The following ENAH variants were observed in gnomAD, a reference collection of about 807,000 sequenced individuals.
The protein encoded by ENAH is ENAH actin regulator.
ENAH carries 23 observed loss-of-function variants against 78.7 expected under a neutral mutation model. That is an observed-to-expected ratio of 0.29 (90% CI 0.21 to 0.41). The LOEUF (loss-of-function observed/expected upper bound fraction) is 0.41, where lower values mean the gene tolerates loss of function less well. ENAH is among the 10% of genes least tolerant of loss of function. The pLI is 1.00. For missense variants in ENAH, 544 were observed against 691.0 expected, an observed-to-expected ratio of 0.79 and a Z score of 2.39; for synonymous variants, 226 against 241.0, an observed-to-expected ratio of 0.94 and a Z score of 0.58.
At chr1:225,630,920 C>T (rs1366275734) in intron 1 of ENAH, among the ~76,000 whole-genome samples, 1 of 152,158 alleles carries the variant, frequency 6.6e-6, no homozygotes, top group East Asian at 1.9e-4. Context: ...CTGCTCTAAC[C>T]TGAAACAACT....
At chr1:225,518,086 A>G in intron 5 of ENAH, 2 of 1,010,594 alleles carry the variant, frequency 2.0e-6, no homozygotes, top group South Asian at 1.7e-5. Flanking sequence ...TTCAGACACA[A>G]TGTATAAATG....
chr1:225,584,252 T>C (rs989444439), intron 1 of ENAH, among the ~76,000 whole-genome samples: 2 of 152,146 alleles, frequency 1.3e-5, no homozygotes, highest in African/African-American at 4.8e-5. Context: ...ATTATGCAGA[T>C]AGGATATATC....
chr1:225,517,729 C>T (rs1373478522), intron 5 of ENAH: 44 of 1,550,912 alleles, frequency 2.8e-5, no homozygotes, highest in Non-Finnish European at 3.4e-5. Context: ...GTTCAGAGGA[C>T]GAGGAACTGT....
chr1:225,562,590 A>C (rs1414245095), intron 2 of ENAH, among the ~76,000 whole-genome samples: 2 of 148,836 alleles, frequency 1.3e-5, no homozygotes, highest in Non-Finnish European at 3.0e-5. Context: ...AAAAAAAAAA[A>C]AAAAAAAAAA....
chr1:225,601,293 G>A (rs2096929339), intron 1 of ENAH, among the ~76,000 whole-genome samples: 1 of 152,146 alleles, frequency 6.6e-6, no homozygotes, highest in Non-Finnish European at 1.5e-5. Flanking sequence ...GGCCGAGGTG[G>A]GCGGATCACG....
chr1:225,507,881 TCTACA>T, intron 11 of ENAH, 65 bp downstream of exon 11: 1 of 1,120,712 alleles, frequency 8.9e-7, no homozygotes, highest in South Asian at 1.6e-5. Flanking sequence ...TCAATTTTTT[TCTACA>T]CTAAGAATGC....
At chr1:225,597,019 C>T (rs1197526371) in intron 1 of ENAH, among the ~76,000 whole-genome samples, 3 of 152,118 alleles carry the variant, frequency 2.0e-5, no homozygotes, top group African/African-American at 2.4e-5. Context: ...ACTTCTAAAT[C>T]CCCTTCCCAC....
At position 225,625,495 on chromosome 1, in the gene ENAH, T is replaced by G. The variant is rs564255760; in HGVS notation, c.5+27191A>C. On this transcript the variant is annotated intron_variant, in intron 1 of 13. Coordinates refer to ENST00000366843, the MANE Select transcript of ENAH (RefSeq NM_018212.6). ...TCTATGGTCCTGTCAATATAACAGA[T>G]TACTAAAACAGTCAACACGTTTCCT... 2.0e-5 allele frequency among the ~76,000 whole-genome samples: 3 copies of G among 152,320 alleles called. No homozygotes were observed. The East Asian group carries it at 5.8e-4, about 29-fold the overall frequency.
chr1:225,512,059 CT>C (rs1159838921), intron 9 of ENAH, among the ~76,000 whole-genome samples, 200 bp from the exon 10 acceptor site: 1 of 152,188 alleles, frequency 6.6e-6, no homozygotes, highest in Non-Finnish European at 1.5e-5. Context: ...CCCACAGCTC[CT>C]TTCCTCATGT....
At chr1:225,596,309 G>C (rs1406940467) in intron 1 of ENAH, among the ~76,000 whole-genome samples, 4 of 152,140 alleles carry the variant, frequency 2.6e-5, no homozygotes, top group African/African-American at 9.7e-5. Context: ...GGGTAAGCCT[G>C]CCAGGCAAAC....
intron 4 of ENAH, among the ~76,000 whole-genome samples, chr1:225,529,095 T>C (rs1176342030): frequency 1.3e-5 from 2 of 152,234 alleles, no homozygotes; most frequent in East Asian, 1.9e-4. Flanking sequence ...CGTCTCTCAA[T>C]AGTGTAGGCT....
intron 1 of ENAH, among the ~76,000 whole-genome samples, chr1:225,611,340 A>G (rs528118030): frequency 6.6e-6 from 1 of 152,048 alleles, no homozygotes; most frequent in South Asian, 2.1e-4. Flanking sequence ...ATTTATTGAG[A>G]CAGAGTCTTG....
At chr1:225,532,069 C>T (rs1016642953) in intron 3 of ENAH, among the ~76,000 whole-genome samples, 10 of 151,634 alleles carry the variant, frequency 6.6e-5, no homozygotes, top group Non-Finnish European at 8.8e-5. Flanking sequence ...TAAATACACA[C>T]GTAAATGTTT....
At chr1:225,628,271 T>A (rs759940426) in intron 1 of ENAH, among the ~76,000 whole-genome samples, 8 of 152,326 alleles carry the variant, frequency 5.3e-5, no homozygotes, top group Admixed American at 5.2e-4. Flanking sequence ...TTGGAAAGCA[T>A]TTTGGCAATA....
chr1:225,555,368 G>A (rs1451584915), intron 2 of ENAH, among the ~76,000 whole-genome samples: 1 of 152,190 alleles, frequency 6.6e-6, no homozygotes, highest in Non-Finnish European at 1.5e-5. Flanking sequence ...AGATCATGAG[G>A]TCAGGAGATT....
intron 2 of ENAH, 22 bp from the exon 3 acceptor site, chr1:225,555,105 TAAAGTCA>T (rs1281912055): frequency 6.7e-7 from 1 of 1,497,634 alleles, no homozygotes. Flanking sequence ...TAATTCTTTA[TAAAGTCA>T]AACCAATAAT....
At chr1:225,533,300 A>G (rs1182627315) in intron 3 of ENAH, among the ~76,000 whole-genome samples, 1 of 152,174 alleles carries the variant, frequency 6.6e-6, no homozygotes, top group African/African-American at 2.4e-5. Context: ...AGGATCAGGC[A>G]AAGTCTGTCA....
At chr1:225,561,244 AT>A (rs1486220765) in intron 2 of ENAH, among the ~76,000 whole-genome samples, 1 of 151,868 alleles carries the variant, frequency 6.6e-6, no homozygotes, top group Admixed American at 6.6e-5. Flanking sequence ...ACAAAAACAA[AT>A]TTTTTTTAAT....
At position 225,519,666 on chromosome 1, in the gene ENAH, A is replaced by G. The variant is rs962587103; in HGVS notation, c.435-101T>C. ...GTAAACTATTTCTGAGTCAAATAAAAGCAATGTAGAGCATGCAAACATCTC... is the reference window on the plus strand; with the variant it reads ...GTAAACTATTTCTGAGTCAAATAAAGGCAATGTAGAGCATGCAAACATCTC... On this transcript the variant is annotated intron_variant, in intron 4 of 13. Transcript: ENST00000366843. The G allele has an allele frequency of 5.4e-6, 8 of 1,478,184 alleles. No individual in the cohort carries two copies. In the African/African-American group the frequency reaches 9.9e-5, roughly 18 times the overall value. 91.6% of individuals were successfully genotyped at this position (1,478,184 alleles called of 1,614,324 possible).
Sources: gnomAD v4.1 joint callset for allele counts (sites outside exome capture counted in the v4.1 genomes callset) on GRCh38, gnomAD v4.1.1 for gene constraint, MANE v1.5 for transcripts, NCBI Gene and HGNC (gene_info 2026-07-23, HGNC 2026-07-21) for gene names.